BTG3: variants seen among roughly 807,000 people sequenced by gnomAD.
BTG3 encodes the protein protein BTG3.
In BTG3, 4 loss-of-function variants were observed where a neutral mutation model predicts 25.8. The observed-to-expected ratio is 0.16, with a 90% confidence interval of 0.08 to 0.36. BTG3 has a LOEUF of 0.36. Ranked by LOEUF, BTG3 falls within the 10% of genes least tolerant of loss-of-function variation. The pLI is 1.00. For missense variants in BTG3, 201 were observed against 304.9 expected (o/e 0.66, Z 2.54); for synonymous variants, 107 against 99.9 (o/e 1.07, Z -0.42).
rs558074666 is a variant in BTG3, at chr21:17,598,512, C to A, written c.519+105G>T. 51 of 939,252 alleles carry A rather than the reference C, an allele frequency of 5.4e-5. 1 individual carries two copies. In the South Asian group the frequency reaches 8.4e-4, roughly 16 times the overall value. The allele number at this position is 939,252 out of a possible 1,614,324, so 58.2% of individuals were successfully genotyped here. A position where few individuals can be genotyped will look rare whatever the true frequency, so the allele number is the denominator to read the frequency against. The stretch of plus-strand genomic sequence containing the variant: ...CATGGGGAAAGGCAAGAACTATTAT[C>A]CAGAATCTCAAGTCAGAAACCTTGG... On this transcript the variant is annotated intron_variant, in intron 4 of 4. Coordinates refer to ENST00000348354, the MANE Select transcript of BTG3 (RefSeq NM_006806.5).
chr21:17,594,001 A>T lies in BTG3; in HGVS notation c.*92T>A. 6.9e-7 allele frequency: 1 copy of T among 1,442,808 alleles called. No individual in the cohort carries two copies. The highest frequency in any genetic ancestry group is 9.3e-7 in the Non-Finnish European group (1 of 1,078,676). The allele number at this position is 1,442,808 out of a possible 1,614,324, so 89.4% of individuals were successfully genotyped here. On this transcript the variant is annotated 3_prime_UTR_variant, in exon 5 of 5. Coordinates refer to ENST00000348354, the MANE Select transcript of BTG3 (RefSeq NM_006806.5). The stretch of plus-strand genomic sequence containing the variant: ...TTGATGGTTTGGCCCATCTAACTTC[A>T]CTACTATTAGTAAGAACTTTTAACT...
intron 1 of BTG3, among the ~76,000 whole-genome samples, chr21:17,610,929 C>G (rs901123864): frequency 1.3e-5 from 2 of 150,526 alleles, no homozygotes; most frequent in African/African-American, 4.9e-5. Context: ...ATAAATTCTA[C>G]ACAGTTATCT....
chr21:17,602,942 A>T (rs1455305414), intron 3 of BTG3, among the ~76,000 whole-genome samples: 1 of 152,236 alleles, frequency 6.6e-6, no homozygotes, highest in Non-Finnish European at 1.5e-5. Context: ...TATTGAACGT[A>T]AACTATTTGA....
intron 1 of BTG3, among the ~76,000 whole-genome samples, chr21:17,611,256 C>T (rs1365133477): frequency 6.6e-6 from 1 of 152,134 alleles, no homozygotes; most frequent in African/African-American, 2.4e-5. Flanking sequence ...ACATTAGCCT[C>T]CACTCCAGCA....
In BTG3 at chr21:17,595,308, T is replaced by A. The variant is rs184767614; in HGVS notation, c.520-976A>T. Among the ~76,000 whole-genome samples the A allele has an allele frequency of 2.5e-4, 38 of 152,160 alleles. 1 individual carries two copies. Among genetic ancestry groups the A allele is most frequent in the South Asian group, 8.3e-4 (4 of 4,826 alleles). ...TGCATTTCTAAGTATAGGATTTTTT[T>A]AAAAAAATTATATTGTGTATAGCAT... On this transcript the variant is annotated intron_variant, in intron 4 of 4. Coordinates refer to ENST00000348354, the MANE Select transcript of BTG3 (RefSeq NM_006806.5).
intron 4 of BTG3, among the ~76,000 whole-genome samples, chr21:17,597,727 A>AG (rs1448047882): frequency 9.9e-5 from 3 of 30,296 alleles, no homozygotes; most frequent in African/African-American, 4.0e-4. Context: ...AATTCAACTG[A>AG]GAAAAAAATG....
At chr21:17,596,945 T>C (rs2061511980) in intron 4 of BTG3, among the ~76,000 whole-genome samples, 1 of 152,122 alleles carries the variant, frequency 6.6e-6, no homozygotes, top group Non-Finnish European at 1.5e-5. Context: ...GAAATTTTGT[T>C]GTCCTTATTT....
At chr21:17,601,740 C>T (rs944414618) in intron 3 of BTG3, among the ~76,000 whole-genome samples, 5 of 152,126 alleles carry the variant, frequency 3.3e-5, no homozygotes, top group African/African-American at 1.2e-4. Flanking sequence ...TGACTTAGGC[C>T]TATCTTCAGT....
At position 17,605,049 on chromosome 21, in the gene BTG3, C is replaced by T. The variant is rs2824388; in HGVS notation, c.174-52G>A. 7,613 of 1,582,242 alleles carry T rather than the reference C, an allele frequency of 4.8e-3. 407 individuals carry two copies. The East Asian group carries it at 0.12, about 25-fold the overall frequency. ...GGATTTAAATGAATTTAATCATAAA[C>T]GCCGTAATATCTATTCATACTTGCC... On this transcript the variant is annotated intron_variant, in intron 2 of 4. Transcript: ENST00000348354.
intron 2 of BTG3, among the ~76,000 whole-genome samples, chr21:17,606,605 C>T (rs2061645888): frequency 1.3e-5 from 2 of 150,106 alleles, no homozygotes; most frequent in African/African-American, 5.0e-5. Flanking sequence ...TCTAAGCTTA[C>T]AAATTATATA....
intron 2 of BTG3, among the ~76,000 whole-genome samples, chr21:17,607,075 A>AT (rs1308959692): frequency 1.4e-4 from 22 of 152,302 alleles, no homozygotes; most frequent in African/African-American, 5.3e-4. Flanking sequence ...TATTCTATTC[A>AT]TTTTTATAAT....
chr21:17,604,242 A>G lies in BTG3; in HGVS notation c.311+618T>C, dbSNP rs143734443. 451 of 510,792 alleles carry G rather than the reference A, an allele frequency of 8.8e-4. 3 individuals are homozygous for G. In the African/African-American group the frequency reaches 9.1e-3, roughly 10 times the overall value. The allele number at this position is 510,792 out of a possible 1,614,324, so 31.6% of individuals were successfully genotyped here. ...CGGATCACGAGGTCAGGAGTTTGAG[A>G]GCAGTCTGGCCAACATGGTGAAACC... On this transcript the variant is annotated intron_variant, in intron 3 of 4. Coordinates refer to ENST00000348354, the MANE Select transcript of BTG3 (RefSeq NM_006806.5).
At chr21:17,597,598 T>C (rs972577266) in intron 4 of BTG3, among the ~76,000 whole-genome samples, 1 of 152,054 alleles carries the variant, frequency 6.6e-6, no homozygotes, top group Admixed American at 6.5e-5. Context: ...CTTGTACTGT[T>C]TGAAGTTTCA....
At chr21:17,608,202 CA>C (rs549083017) in intron 2 of BTG3, among the ~76,000 whole-genome samples, 2 of 151,194 alleles carry the variant, frequency 1.3e-5, no homozygotes, top group African/African-American at 2.4e-5. Context: ...CCCATCTATA[CA>C]AAAAAAAATT....
intron 3 of BTG3, among the ~76,000 whole-genome samples, chr21:17,600,949 G>C (rs1444349758): frequency 6.6e-6 from 1 of 152,184 alleles, no homozygotes; most frequent in East Asian, 1.9e-4. Flanking sequence ...GGATCATGAG[G>C]TCAGGCGTTC....
intron 4 of BTG3, among the ~76,000 whole-genome samples, chr21:17,594,990 CTAAAA>C (rs1296931285): frequency 1.3e-5 from 2 of 150,706 alleles, no homozygotes; most frequent in African/African-American, 2.5e-5. Context: ...ATCCCTAAAC[CTAAAA>C]TAAAAGTTAA....
Position 17,607,742 on chromosome 21 carries a change from T to A in BTG3, c.173+1230A>T, listed in dbSNP as rs2824396. 6.4e-3 allele frequency among the ~76,000 whole-genome samples: 967 copies of A among 152,148 alleles called. 59 individuals are homozygous for A. In the East Asian group the frequency reaches 0.13, roughly 21 times the overall value. On this transcript the variant is annotated intron_variant, in intron 2 of 4. Coordinates refer to ENST00000348354, the MANE Select transcript of BTG3 (RefSeq NM_006806.5). Reference sequence around the variant, plus strand: ...ACATCAATATACACAAATAAAAGAGTATTTCTGTAGTTATCACTATAGTCA... The same window carrying A: ...ACATCAATATACACAAATAAAAGAGAATTTCTGTAGTTATCACTATAGTCA...
intron 3 of BTG3, among the ~76,000 whole-genome samples, chr21:17,602,748 G>C (rs1282452339): frequency 6.6e-6 from 1 of 152,070 alleles, no homozygotes; most frequent in South Asian, 2.1e-4. Flanking sequence ...TTTCCTACCA[G>C]GCATCATCAA....
Position 17,594,186 on chromosome 21 carries a change from T to A in BTG3, c.666A>T (p.Pro222=), listed in dbSNP as rs111268387. The A allele has an allele frequency of 1.8e-5, 29 of 1,613,292 alleles. 1 individual carries two copies. The African/African-American group carries it at 1.9e-4, about 10-fold the overall frequency. Residue 222 remains proline, a synonymous_variant, in exon 5 of 5, where the codon CCA becomes CCT. Coordinates refer to ENST00000348354, the MANE Select transcript of BTG3 (RefSeq NM_006806.5). ...GYPNQGRKNK[P]YRPIPVTWVP... ...CCCATGTCACTGGAATTGGGCGATA[T>A]GGTTTATTTTTTCTTCCCTGATTTG... is the stretch of plus-strand genomic sequence containing the variant.
Sources: gnomAD v4.1 joint callset for allele counts (sites outside exome capture counted in the v4.1 genomes callset) on GRCh38, gnomAD v4.1.1 for gene constraint, MANE v1.5 for transcripts, NCBI Gene and HGNC (gene_info 2026-07-23, HGNC 2026-07-21) for gene names.